The following KMO variants were observed in gnomAD, a reference collection of about 807,000 sequenced individuals.
The protein encoded by KMO is kynurenine 3-hydroxylase.
KMO carries 24 observed loss-of-function variants against 57.8 expected under a neutral mutation model. The observed-to-expected ratio is 0.42, with a 90% confidence interval of 0.30 to 0.58. The LOEUF (loss-of-function observed/expected upper bound fraction) is 0.58, where lower values mean the gene tolerates loss of function less well. Among genes scored for constraint, KMO ranks in the 20% least tolerant of loss-of-function variants. The pLI, the probability that KMO is intolerant of heterozygous loss-of-function variation, is 0.22. For missense variants in KMO, 483 were observed against 588.2 expected (o/e 0.82, Z 1.85); for synonymous variants, 210 against 193.6 (o/e 1.08, Z -0.70).
rs1663393920 is a variant in KMO, at chr1:241,593,506, T to C, written c.*1353T>C. 3.3e-6 allele frequency: 1 copy of C among 307,202 alleles called. No individual in the cohort carries two copies. The allele number at this position is 307,202 out of a possible 1,614,324, so 19.0% of individuals were successfully genotyped here. A position where few individuals can be genotyped will look rare whatever the true frequency, so the allele number is the denominator to read the frequency against. ...TATTGTCAATGAAAACCTTGAGTTC[T>C]AATAATCCATGTTCAGTTTGTAGGG... On this transcript the variant is annotated 3_prime_UTR_variant, in exon 15 of 15. Transcript: ENST00000366559.
At chr1:241,541,518 A>T (rs1438477172) in intron 1 of KMO, among the ~76,000 whole-genome samples, 1 of 152,186 alleles carries the variant, frequency 6.6e-6, no homozygotes, top group Non-Finnish European at 1.5e-5. Context: ...CAGGACGAAG[A>T]TCAAGACTAG....
chr1:241,552,452 T>A (rs536545352), intron 4 of KMO, among the ~76,000 whole-genome samples: 3 of 152,154 alleles, frequency 2.0e-5, no homozygotes, highest in Admixed American at 6.5e-5. Flanking sequence ...TTGCTTTACC[T>A]GGTCAGTTCC....
chr1:241,588,673 C>A, intron 11 of KMO, 75 bp from the exon 12 acceptor site: 1 of 1,004,246 alleles, frequency 1.0e-6, no homozygotes, highest in Non-Finnish European at 1.6e-6. Flanking sequence ...GTGAACGTAC[C>A]ATTTAATTTG....
intron 5 of KMO, among the ~76,000 whole-genome samples, chr1:241,556,444 G>A (rs182774712): frequency 1.4e-4 from 21 of 152,278 alleles, no homozygotes; most frequent in Admixed American, 4.6e-4. Flanking sequence ...ACAATTCTCT[G>A]AATTGAAATC....
chr1:241,567,775 A>G (rs1033329438), intron 9 of KMO, among the ~76,000 whole-genome samples: 1 of 152,224 alleles, frequency 6.6e-6, no homozygotes, highest in African/African-American at 2.4e-5. Context: ...CCAGCTGTGA[A>G]GATAAATCTC....
chr1:241,543,794 C>T (rs1028451867), intron 1 of KMO, among the ~76,000 whole-genome samples: 2 of 152,124 alleles, frequency 1.3e-5, no homozygotes, highest in African/African-American at 2.4e-5. Context: ...CCACACTACC[C>T]GAGATCCCTT....
In KMO at chr1:241,591,934, A is replaced by G. The variant is rs750105442; in HGVS notation, c.1261-19A>G. ...TTAATCTCTGGACAAATGAAATGAG[A>G]GTTCTTGCTGTCTTACAGGTGATAA... is the stretch of plus-strand genomic sequence containing the variant. On this transcript the variant is annotated intron_variant, in intron 14 of 14. Transcript: ENST00000366559. The G allele has an allele frequency of 9.4e-6, 15 of 1,598,646 alleles. No homozygotes were observed. The highest frequency in any genetic ancestry group is 1.3e-5 in the Non-Finnish European group (15 of 1,166,790).
intron 5 of KMO, among the ~76,000 whole-genome samples, chr1:241,556,646 G>A (rs1055205682): frequency 1.4e-4 from 22 of 152,298 alleles, no homozygotes; most frequent in African/African-American, 4.1e-4. Flanking sequence ...TTGGGAGGCC[G>A]AGGCAGGCGG....
chr1:241,563,887 A>G (rs1661974442), intron 7 of KMO, among the ~76,000 whole-genome samples: 1 of 152,110 alleles, frequency 6.6e-6, no homozygotes, highest in South Asian at 2.1e-4. Flanking sequence ...TGAAATAGAC[A>G]CTTGCACTCT....
At chr1:241,554,856 C>T (rs1661552584) in intron 4 of KMO, among the ~76,000 whole-genome samples, 1 of 151,162 alleles carries the variant, frequency 6.6e-6, no homozygotes, top group South Asian at 2.1e-4. Context: ...GTGGCAGGCA[C>T]CTGTAATCCC....
At chr1:241,538,233 G>A (rs961012505) in intron 1 of KMO, among the ~76,000 whole-genome samples, 3 of 152,046 alleles carry the variant, frequency 2.0e-5, no homozygotes, top group Admixed American at 6.6e-5. Context: ...TCACTTCTTG[G>A]GCATTTGTGC....
At position 241,592,171 on chromosome 1, in the gene KMO, A is replaced by G; in HGVS notation, c.*18A>G. On this transcript the variant is annotated 3_prime_UTR_variant, in exon 15 of 15. Coordinates refer to ENST00000366559, the MANE Select transcript of KMO (RefSeq NM_003679.5). ...GCAGGTGATAGAAAGGTTTTGTGGTAGCAAATGCATGATTTCTCTGTGACC... is the reference window on the plus strand; with the variant it reads ...GCAGGTGATAGAAAGGTTTTGTGGTGGCAAATGCATGATTTCTCTGTGACC... 6.3e-7 allele frequency: 1 copy of G among 1,593,112 alleles called. No homozygotes were observed. Among genetic ancestry groups the G allele is most frequent in the Non-Finnish European group, 8.6e-7 (1 of 1,162,890 alleles).
At chr1:241,547,832 A>G (rs1406038262) in intron 1 of KMO, among the ~76,000 whole-genome samples, 3 of 152,050 alleles carry the variant, frequency 2.0e-5, no homozygotes, top group African/African-American at 7.3e-5. Flanking sequence ...CATGTATAGA[A>G]CCCTTGAAAA....
intron 7 of KMO, among the ~76,000 whole-genome samples, chr1:241,563,828 C>T (rs192469848): frequency 2.8e-4 from 43 of 152,228 alleles, no homozygotes; most frequent in African/African-American, 1.0e-3. Context: ...ATGAGACTTT[C>T]TCTATTTTTC....
intron 10 of KMO, among the ~76,000 whole-genome samples, chr1:241,583,765 A>G (rs1190556443): frequency 6.6e-6 from 1 of 151,882 alleles, no homozygotes; most frequent in Non-Finnish European, 1.5e-5. Flanking sequence ...AACTTGACTG[A>G]GTCCATATAT....
chr1:241,594,153 A>C lies in KMO; in HGVS notation c.*2000A>C, dbSNP rs1173534592. 2.8e-6 allele frequency: 1 copy of C among 357,602 alleles called. No individual in the cohort carries two copies. Among genetic ancestry groups the C allele is most frequent in the Non-Finnish European group, 5.0e-6 (1 of 200,488 alleles). 22.2% of individuals were successfully genotyped at this position (357,602 alleles called of 1,614,324 possible). On this transcript the variant is annotated 3_prime_UTR_variant, in exon 15 of 15. Coordinates refer to ENST00000366559, the MANE Select transcript of KMO (RefSeq NM_003679.5). ...TAATTTAAAAAATATATTTGAAATG[A>C]AAATCTCCAACACATTAGAAGATGA...
intron 1 of KMO, among the ~76,000 whole-genome samples, chr1:241,539,941 C>T (rs914187695): frequency 6.6e-6 from 1 of 152,258 alleles, no homozygotes; most frequent in African/African-American, 2.4e-5. Context: ...ATTAAAATAA[C>T]TTGAATATCC....
chr1:241,586,189 GTCTTTTTTT>G (rs1290333782), intron 10 of KMO, among the ~76,000 whole-genome samples: 1 of 122,692 alleles, frequency 8.2e-6, no homozygotes, highest in Non-Finnish European at 1.8e-5. Flanking sequence ...GAAGTCTATG[GTCTTTTTTT>G]TTTTTTTTTT....
At chr1:241,556,490 T>TA (rs1486715757) in intron 5 of KMO, among the ~76,000 whole-genome samples, 2 of 152,168 alleles carry the variant, frequency 1.3e-5, no homozygotes, top group African/African-American at 2.4e-5. Context: ...TATGGTCTCC[T>TA]AGGCACTGAG....
Sources: gnomAD v4.1 joint callset for allele counts (sites outside exome capture counted in the v4.1 genomes callset) on GRCh38, gnomAD v4.1.1 for gene constraint, MANE v1.5 for transcripts, NCBI Gene and HGNC (gene_info 2026-07-23, HGNC 2026-07-21) for gene names.